Variants in MTUS1 observed in about 807,000 individuals in gnomAD.
MTUS1 encodes microtubule-associated tumor suppressor 1.
MTUS1 carries 109 observed loss-of-function variants against 120.8 expected under a neutral mutation model. The observed-to-expected ratio is 0.90, with a 90% confidence interval of 0.77 to 1.06. The LOEUF (loss-of-function observed/expected upper bound fraction) is 1.06. Ranked by LOEUF, MTUS1 falls within the 50% of genes least tolerant of loss-of-function variation. The pLI is 0.00. For missense variants in MTUS1, 2,210 were observed against 1,486.3 expected (o/e 1.49, Z -8.01); for synonymous variants, 737 against 550.5 (o/e 1.34, Z -4.74).
intron 6 of MTUS1, 92 bp downstream of exon 6, chr8:17,713,120 TAA>T (rs1371568654): frequency 1.3e-5 from 13 of 1,020,878 alleles, no homozygotes; most frequent in Non-Finnish European, 2.0e-5. Flanking sequence ...ATTCTACTTA[TAA>T]GCACACCAGT....
At chr8:17,741,551 C>T (rs1484356339) in intron 3 of MTUS1, among the ~76,000 whole-genome samples, 1 of 152,198 alleles carries the variant, frequency 6.6e-6, no homozygotes, top group Admixed American at 6.5e-5. Context: ...CATGCCCTGT[C>T]TTTTCACTAA....
chr8:17,654,294 G>T (rs1807712886), intron 10 of MTUS1: 1 of 479,656 alleles, frequency 2.1e-6, no homozygotes, highest in Non-Finnish European at 3.7e-6. Flanking sequence ...ACCTAAGCTG[G>T]CAACCACCAC....
At chr8:17,698,325 T>G (rs975525310) in intron 6 of MTUS1, among the ~76,000 whole-genome samples, 1 of 152,206 alleles carries the variant, frequency 6.6e-6, no homozygotes, top group Non-Finnish European at 1.5e-5. Flanking sequence ...CTTTTGCCAG[T>G]TATCTACTAA....
At chr8:17,659,676 G>A (rs540854045) in intron 8 of MTUS1, among the ~76,000 whole-genome samples, 16 of 152,164 alleles carry the variant, frequency 1.1e-4, no homozygotes, top group African/African-American at 3.4e-4. Context: ...CCAGCCTGGC[G>A]ACAGGGAAAG....
At chr8:17,674,392 T>G in intron 8 of MTUS1, 4 of 878,126 alleles carry the variant, frequency 4.6e-6, no homozygotes, top group Non-Finnish European at 5.5e-6. Flanking sequence ...TGCACTCCAG[T>G]CTGGTGACAG....
rs143107107 is a variant in MTUS1 at position 17,707,796 on chromosome 8, A to T, written c.2623+5418T>A. On this transcript the variant is annotated intron_variant, in intron 6 of 14. Coordinates refer to ENST00000693296, the MANE Select transcript of MTUS1 (RefSeq NM_001363059.2). ...GGTAACATATAAATGCAAAGAACAC[A>T]ATTTAGAAATCAGAAATAAACCCTC... Among the ~76,000 whole-genome samples, 168 of 152,364 alleles carry T rather than the reference A, an allele frequency of 1.1e-3. 2 individuals carry two copies. Among genetic ancestry groups the T allele is most frequent in the Middle Eastern group, 3.4e-3 (1 of 294 alleles).
intron 1 of MTUS1, among the ~76,000 whole-genome samples, chr8:17,760,652 A>G (rs1395407083): frequency 6.6e-6 from 1 of 152,180 alleles, no homozygotes; most frequent in East Asian, 1.9e-4. Flanking sequence ...CGACATATAT[A>G]TTCTTTGCCT....
chr8:17,649,368 T>G (rs1284166948), intron 13 of MTUS1, among the ~76,000 whole-genome samples: 2 of 152,188 alleles, frequency 1.3e-5, no homozygotes, highest in Non-Finnish European at 2.9e-5. Context: ...CACGATTCTT[T>G]TATCACATGC....
chr8:17,716,049 A>G (rs1384212461), intron 4 of MTUS1, 148 bp from the exon 5 acceptor site: 6 of 700,582 alleles, frequency 8.6e-6, no homozygotes, highest in Non-Finnish European at 1.4e-5. Context: ...TACAACATGG[A>G]TAACAGGTAG....
intron 2 of MTUS1, among the ~76,000 whole-genome samples, chr8:17,751,862 T>TAAAAAAAAAAAAAAAAAAAA (rs56362055): frequency 2.1e-5 from 2 of 96,542 alleles, no homozygotes; most frequent in Admixed American, 1.3e-4. Flanking sequence ...GACTCTGCCT[T>TAAAAAAAAAAAAAAAAAAAA]AAAAAAAAAA....
At chr8:17,682,048 G>C (rs1188831271) in intron 7 of MTUS1, among the ~76,000 whole-genome samples, 1 of 152,142 alleles carries the variant, frequency 6.6e-6, no homozygotes, top group Non-Finnish European at 1.5e-5. Flanking sequence ...CATTTCGAAT[G>C]CTCAGTCTCA....
At chr8:17,703,710 G>A (rs1342213532) in intron 6 of MTUS1, among the ~76,000 whole-genome samples, 7 of 151,874 alleles carry the variant, frequency 4.6e-5, no homozygotes, top group Non-Finnish European at 8.8e-5. Flanking sequence ...CTAGGATTGG[G>A]AAACACCAAC....
Position 17,755,109 on chromosome 8 carries a change from G to C in MTUS1, c.699C>G (p.Val233=), listed in dbSNP as rs764145244. The stretch of plus-strand genomic sequence containing the variant: ...TCATGTCTTGGGCTTCTGATGGTGT[G>C]ACTTGAGGGTTTTCAAAGCTTTCTC... ...YDRESFENPQ[V]TPSEAQDMTY... is the part of the protein sequence containing the mutation. Residue 233 remains valine (V), a synonymous_variant, in exon 2 of 15, where the codon GTC becomes GTG. Coordinates refer to ENST00000693296, the MANE Select transcript of MTUS1 (RefSeq NM_001363059.2). 12 of 1,613,862 alleles carry C rather than the reference G, an allele frequency of 7.4e-6. No homozygotes were observed. The highest frequency in any genetic ancestry group is 2.7e-5 in the African/African-American group (2 of 74,918).
intron 8 of MTUS1, among the ~76,000 whole-genome samples, 164 bp from the exon 9 acceptor site, chr8:17,656,229 G>A (rs991447675): frequency 6.6e-6 from 1 of 152,152 alleles, no homozygotes; most frequent in Non-Finnish European, 1.5e-5. Context: ...GAAGTGAACT[G>A]TAAAAAGGAA....
intron 6 of MTUS1, chr8:17,692,005 C>T (rs906014049): frequency 6.6e-6 from 1 of 152,160 alleles, no homozygotes; most frequent in Admixed American, 6.5e-5. Context: ...TTTAATGGAA[C>T]CATTACACAC....
chr8:17,664,328 G>C (rs148720110), intron 8 of MTUS1, among the ~76,000 whole-genome samples: 4 of 152,112 alleles, frequency 2.6e-5, no homozygotes, highest in Non-Finnish European at 4.4e-5. Flanking sequence ...TTTTCATAGC[G>C]CCACATAAGA....
intron 2 of MTUS1, among the ~76,000 whole-genome samples, chr8:17,749,629 C>A (rs1240438183): frequency 6.7e-6 from 1 of 150,062 alleles, no homozygotes; most frequent in Non-Finnish European, 1.5e-5. Flanking sequence ...CACCACTGCA[C>A]CCCCAGCCTG....
intron 7 of MTUS1, among the ~76,000 whole-genome samples, chr8:17,677,812 G>A (rs758758899): frequency 1.3e-5 from 2 of 152,124 alleles, no homozygotes; most frequent in Non-Finnish European, 2.9e-5. Flanking sequence ...CTTGTAATGT[G>A]ACACCATTCC....
chr8:17,797,966 T>A (rs182147015), intron 1 of MTUS1, among the ~76,000 whole-genome samples: 1 of 152,112 alleles, frequency 6.6e-6, no homozygotes, highest in Non-Finnish European at 1.5e-5. Context: ...AGTAGCAGTA[T>A]TGGAAATTAA....
Sources: allele counts gnomAD v4.1 joint callset (sites outside exome capture counted in the v4.1 genomes callset), GRCh38; gene constraint gnomAD v4.1.1; transcripts MANE v1.5; gene names NCBI Gene and HGNC (gene_info 2026-07-23, HGNC 2026-07-21).